Variants in MCPH1 observed in about 807,000 individuals in gnomAD.
MCPH1 encodes the protein microcephalin.
In MCPH1, 104 loss-of-function variants were observed where a neutral mutation model predicts 84.5. The observed-to-expected ratio is 1.23, with a 90% confidence interval of 1.05 to 1.45. The LOEUF is 1.45. Among genes scored for constraint, MCPH1 ranks in the 40% most tolerant of loss-of-function variants. The pLI is 0.00. For synonymous variants in MCPH1, 514 were observed against 366.8 expected, an observed-to-expected ratio of 1.40 and a Z score of -4.58; for missense variants, 1,498 against 1,005.7, an observed-to-expected ratio of 1.49 and a Z score of -6.62.
chr8:6,578,287 C>G (rs1035999293), intron 12 of MCPH1, among the ~76,000 whole-genome samples: 1 of 152,180 alleles, frequency 6.6e-6, no homozygotes, highest in African/African-American at 2.4e-5. Flanking sequence ...GTTCACTATT[C>G]CATATCAATT....
At chr8:6,598,035 C>T (rs2922852) in intron 12 of MCPH1, among the ~76,000 whole-genome samples, 47,818 of 152,104 alleles carry the variant, frequency 0.31, 7,705 homozygotes, top group East Asian at 0.4. Flanking sequence ...CCTTTTCCAG[C>T]CAACATCAGC....
chr8:6,606,710 C>T (rs527483129), intron 12 of MCPH1, among the ~76,000 whole-genome samples: 13 of 152,306 alleles, frequency 8.5e-5, no homozygotes, highest in South Asian at 2.1e-4. Context: ...TTAGGTGATG[C>T]GGTTTGGCTA....
At position 6,621,552 on chromosome 8, in the gene MCPH1, A is replaced by C; in HGVS notation, c.2313A>C (p.Pro771=). The change falls in exon 13 of 14, where the codon CCA becomes CCC. Residue 771 remains proline (P), a synonymous_variant. Coordinates refer to ENST00000344683, the MANE Select transcript of MCPH1 (RefSeq NM_024596.5). The part of the protein sequence containing the change: ...AMFVSPASSP[P]VAKLCELVHL... Reference sequence around the variant, plus strand: ...TTGTCTCGCCTGCCAGCAGCCCCCCAGTGGCCAAGCTCTGTGAACTAGTCC... The same window carrying C: ...TTGTCTCGCCTGCCAGCAGCCCCCCCGTGGCCAAGCTCTGTGAACTAGTCC... 1 of 1,614,140 alleles carries C rather than the reference A, an allele frequency of 6.2e-7. No individual in the cohort carries two copies. Among genetic ancestry groups the C allele is most frequent in the South Asian group, 1.1e-5 (1 of 91,082 alleles).
intron 12 of MCPH1, among the ~76,000 whole-genome samples, chr8:6,613,214 G>T (rs953417114): frequency 2.0e-5 from 3 of 152,174 alleles, no homozygotes; most frequent in African/African-American, 7.2e-5. Flanking sequence ...CGTGAGAAAG[G>T]GCTTATAGGC....
intron 8 of MCPH1, chr8:6,446,516 C>G (rs1399471538): frequency 1.0e-6 from 1 of 984,126 alleles, no homozygotes; most frequent in African/African-American, 1.7e-5. Flanking sequence ...TTTTGGCCTG[C>G]TATTTATATC....
At chr8:6,415,088 G>A (rs911035567) in intron 3 of MCPH1, among the ~76,000 whole-genome samples, 1 of 151,948 alleles carries the variant, frequency 6.6e-6, no homozygotes, top group African/African-American at 2.4e-5. Context: ...CTGCCTAGGG[G>A]GAAAAGGAGC....
At chr8:6,632,678 A>G (rs749171164) in intron 13 of MCPH1, among the ~76,000 whole-genome samples, 116 of 152,228 alleles carry the variant, frequency 7.6e-4, no homozygotes, top group Non-Finnish European at 1.2e-3. Flanking sequence ...CCGTGGTGGC[A>G]CGTGCCTGTA....
rs536022770 is a variant in MCPH1 at position 6,608,438 on chromosome 8, C to G, written c.2215-13016C>G. On this transcript the variant is annotated intron_variant, in intron 12 of 13. Transcript: ENST00000344683. ...TTAGACTTGACACTGCATTTGCTGC[C>G]CTGATTTCTTGTCCTAACCTTCAAG... Among the ~76,000 whole-genome samples, 3 of 152,298 alleles carry G rather than the reference C, an allele frequency of 2.0e-5. No individual in the cohort carries two copies. The East Asian group carries it at 5.8e-4, about 29-fold the overall frequency.
At chr8:6,478,381 A>G (rs748473216) in intron 10 of MCPH1, among the ~76,000 whole-genome samples, 1 of 152,248 alleles carries the variant, frequency 6.6e-6, no homozygotes, top group Non-Finnish European at 1.5e-5. Context: ...TATGAAATAT[A>G]TTGAACATTC....
intron 12 of MCPH1, chr8:6,532,341 C>T: frequency 1.9e-6 from 3 of 1,614,078 alleles, no homozygotes; most frequent in Non-Finnish European, 2.5e-6. Flanking sequence ...CTTGGGCTTC[C>T]ACATCAGTTA....
chr8:6,460,503 T>C (rs955565527), intron 9 of MCPH1, among the ~76,000 whole-genome samples: 2 of 152,066 alleles, frequency 1.3e-5, no homozygotes, highest in African/African-American at 4.8e-5. Context: ...GGCGGGAGCC[T>C]TCATGCCCTC....
chr8:6,410,585 A>T (rs1798400720), intron 2 of MCPH1, among the ~76,000 whole-genome samples: 1 of 152,204 alleles, frequency 6.6e-6, no homozygotes, highest in African/African-American at 2.4e-5. Context: ...AATGTCCTTG[A>T]TACCAAATAG....
At chr8:6,625,720 G>A in intron 13 of MCPH1, 1 of 976,104 alleles carries the variant, frequency 1.0e-6, no homozygotes, top group Non-Finnish European at 1.2e-6. Flanking sequence ...TAAGTTCAAG[G>A]CTGCGGTGAG....
At chr8:6,559,628 C>G (rs1375237822) in intron 12 of MCPH1, among the ~76,000 whole-genome samples, 1 of 152,088 alleles carries the variant, frequency 6.6e-6, no homozygotes, top group Non-Finnish European at 1.5e-5. Context: ...GTATGAGGCA[C>G]TCATCAGTGT....
intron 13 of MCPH1, among the ~76,000 whole-genome samples, chr8:6,631,019 C>A (rs1027407265): frequency 6.6e-6 from 1 of 152,092 alleles, no homozygotes; most frequent in African/African-American, 2.4e-5. Flanking sequence ...GTTGCAGGTG[C>A]TCTAAAAGGT....
At chr8:6,640,103 CGCGTGT>C (rs1211032021) in intron 13 of MCPH1, among the ~76,000 whole-genome samples, 1 of 122,244 alleles carries the variant, frequency 8.2e-6, no homozygotes, top group African/African-American at 2.8e-5. Flanking sequence ...TGTGTGCGCG[CGCGTGT>C]GTGTGTGTGT....
chr8:6,435,674 C>T (rs1024107330), intron 4 of MCPH1, among the ~76,000 whole-genome samples: 6 of 151,954 alleles, frequency 3.9e-5, no homozygotes, highest in Non-Finnish European at 7.4e-5. Context: ...CTTCAGGGGC[C>T]GTGGCAATTA....
At chr8:6,480,592 A>G in intron 10 of MCPH1, 122 bp from the exon 11 acceptor site, 1 of 1,053,146 alleles carries the variant, frequency 9.5e-7, no homozygotes, top group South Asian at 1.3e-5. Flanking sequence ...ACGTACCATA[A>G]CCAAAATCAG....
At chr8:6,454,871 C>T (rs1363132048) in intron 8 of MCPH1, among the ~76,000 whole-genome samples, 1 of 152,180 alleles carries the variant, frequency 6.6e-6, no homozygotes, top group Non-Finnish European at 1.5e-5. Context: ...TATGGGTATA[C>T]ATTTTCTTAC....
Sources: allele counts gnomAD v4.1 joint callset (sites outside exome capture counted in the v4.1 genomes callset), GRCh38; gene constraint gnomAD v4.1.1; transcripts MANE v1.5; gene names NCBI Gene and HGNC (gene_info 2026-07-23, HGNC 2026-07-21).